The following DIPK1A variants were observed in gnomAD, a reference collection of about 807,000 sequenced individuals.
The protein encoded by DIPK1A is family with sequence similarity 69 member A.
Under a neutral mutation model 40.8 loss-of-function variants are expected in DIPK1A, and 27 were observed. That is an observed-to-expected ratio of 0.66 (90% CI 0.49 to 0.91). The LOEUF (loss-of-function observed/expected upper bound fraction) is 0.91. DIPK1A is among the 40% of genes least tolerant of loss of function. The pLI is 0.00. For missense variants in DIPK1A, 412 were observed against 505.7 expected, an observed-to-expected ratio of 0.81 and a Z score of 1.78; for synonymous variants, 166 against 171.3, an observed-to-expected ratio of 0.97 and a Z score of 0.24.
At chr1:92,919,021 G>A (rs1238390839) in intron 1 of DIPK1A, among the ~76,000 whole-genome samples, 1 of 152,142 alleles carries the variant, frequency 6.6e-6, no homozygotes, top group East Asian at 1.9e-4. Context: ...CAAGCCATGG[G>A]CTGGTACTGG....
chr1:92,932,129 A>G (rs1018790116), intron 1 of DIPK1A: 2 of 250,772 alleles, frequency 8.0e-6, no homozygotes, highest in Non-Finnish European at 8.7e-6. Context: ...GAGCTCGCAA[A>G]TATGTAAATT....
intron 1 of DIPK1A, among the ~76,000 whole-genome samples, chr1:92,953,262 GT>G (rs1571154003): frequency 7.4e-6 from 1 of 134,948 alleles, no homozygotes; most frequent in Non-Finnish European, 1.6e-5. Flanking sequence ...AAGAAAAGAA[GT>G]GCAGACGGGG....
chr1:92,946,743 G>C (rs1651380641), intron 1 of DIPK1A, among the ~76,000 whole-genome samples: 1 of 152,106 alleles, frequency 6.6e-6, no homozygotes, highest in Non-Finnish European at 1.5e-5. Context: ...AGGAGTTTGA[G>C]ATCAGCCTGG....
intron 2 of DIPK1A, among the ~76,000 whole-genome samples, chr1:92,859,982 A>ACTT (rs1688112130): frequency 6.6e-6 from 1 of 152,222 alleles, no homozygotes; most frequent in African/African-American, 2.4e-5. Flanking sequence ...GATTACAGGC[A>ACTT]TAAGCCACTG....
intron 4 of DIPK1A, chr1:92,833,951 TA>T: frequency 2.6e-6 from 1 of 387,728 alleles, no homozygotes; most frequent in Non-Finnish European, 4.8e-6. Flanking sequence ...ACAAAAAATG[TA>T]AGAAAATTAG....
intron 1 of DIPK1A, among the ~76,000 whole-genome samples, chr1:92,921,143 T>TGCTGTTACTGACA (rs1650253585): frequency 6.6e-6 from 1 of 152,180 alleles, no homozygotes; most frequent in South Asian, 2.1e-4. Flanking sequence ...TGCTACTTGC[T>TGCTGTTACTGACA]GCTGTTACTG....
chr1:92,943,510 C>G (rs1165492894), intron 1 of DIPK1A, among the ~76,000 whole-genome samples: 1 of 152,104 alleles, frequency 6.6e-6, no homozygotes, highest in African/African-American at 2.4e-5. Context: ...CTGGTTGGCA[C>G]CCCCAACCAC....
At chr1:92,886,131 G>A (rs571319371) in intron 1 of DIPK1A, among the ~76,000 whole-genome samples, 28 of 152,090 alleles carry the variant, frequency 1.8e-4, no homozygotes, top group Non-Finnish European at 2.5e-4. Flanking sequence ...CCAGGAGTTC[G>A]AGACCAGCCT....
At chr1:92,920,293 A>G (rs1024872284) in intron 1 of DIPK1A, among the ~76,000 whole-genome samples, 1 of 152,208 alleles carries the variant, frequency 6.6e-6, no homozygotes, top group African/African-American at 2.4e-5. Flanking sequence ...ATGGTAGTGA[A>G]TAAGTCTCAT....
intron 4 of DIPK1A, chr1:92,833,115 GT>G: frequency 1.4e-6 from 1 of 690,038 alleles, no homozygotes; most frequent in Non-Finnish European, 2.6e-6. Context: ...CCTGTTAAAT[GT>G]AATAAATTGG....
At chr1:92,890,357 A>G (rs1648806911) in intron 1 of DIPK1A, among the ~76,000 whole-genome samples, 1 of 152,174 alleles carries the variant, frequency 6.6e-6, no homozygotes, top group African/African-American at 2.4e-5. Flanking sequence ...ACTATGTTGA[A>G]TAAAAGTGGT....
At chr1:92,923,487 T>G (rs544200987) in intron 1 of DIPK1A, among the ~76,000 whole-genome samples, 4 of 152,350 alleles carry the variant, frequency 2.6e-5, no homozygotes, top group Admixed American at 6.5e-5. Context: ...TCTTCCTGAA[T>G]CAACTAAGGA....
intron 1 of DIPK1A, among the ~76,000 whole-genome samples, chr1:92,909,472 T>C (rs1649747631): frequency 6.6e-6 from 1 of 152,168 alleles, no homozygotes; most frequent in African/African-American, 2.4e-5. Context: ...GAGGGAGGAT[T>C]TGCAGAGGTT....
chr1:92,925,883 A>G (rs1047100648), intron 1 of DIPK1A, among the ~76,000 whole-genome samples: 1 of 152,154 alleles, frequency 6.6e-6, no homozygotes, highest in Admixed American at 6.6e-5. Context: ...CATCAAATTT[A>G]TTGGTGTAAA....
chr1:92,895,553 C>A (rs769330766), intron 1 of DIPK1A, among the ~76,000 whole-genome samples: 1 of 152,030 alleles, frequency 6.6e-6, no homozygotes, highest in Admixed American at 6.6e-5. Flanking sequence ...ATATCATACT[C>A]AATGGGCAAA....
intron 1 of DIPK1A, among the ~76,000 whole-genome samples, chr1:92,885,327 A>G (rs1648548454): frequency 6.6e-6 from 1 of 152,126 alleles, no homozygotes; most frequent in Non-Finnish European, 1.5e-5. Flanking sequence ...ACAGAACAAC[A>G]TTTCTTTAAC....
chr1:92,921,820 C>T lies in DIPK1A; in HGVS notation c.54+39556G>A, dbSNP rs550374298. 3.3e-5 allele frequency among the ~76,000 whole-genome samples: 5 copies of T among 152,300 alleles called. No homozygotes were observed. The South Asian group carries it at 1.0e-3, about 32-fold the overall frequency. ...GGGACCAGGAGTTCTATCCTCAGCC[C>T]TTGGCTCTCCACCTAAAGAACAATT... On this transcript the variant is annotated intron_variant, in intron 1 of 4. Coordinates refer to ENST00000370310, the MANE Select transcript of DIPK1A (RefSeq NM_001006605.5).
chr1:92,918,859 G>T (rs1331472805), intron 1 of DIPK1A, among the ~76,000 whole-genome samples: 1 of 152,138 alleles, frequency 6.6e-6, no homozygotes, highest in East Asian at 1.9e-4. Context: ...TCATAAGAAG[G>T]GGGCAACCTA....
chr1:92,850,867 G>C lies in DIPK1A; in HGVS notation c.278C>G (p.Ser93Cys). ...CCATACCTGATTGTTGGGCTTGGTGGATAAACATTTTCCAAAGTAAAGAGT... is the reference window on the plus strand; with the variant it reads ...CCATACCTGATTGTTGGGCTTGGTGCATAAACATTTTCCAAAGTAAAGAGT... ...TETLYFGKCL[S>C]TKPNNQMYLG... is the part of the protein sequence containing the mutation. The change falls in exon 3 of 5, where the codon TCC becomes TGC. Residue 93 changes from serine to cysteine, a missense_variant. Ser to Cys is a moderately radical substitution (Grantham distance 112). Transcript: ENST00000370310. 1.3e-6 allele frequency: 2 copies of C among 1,563,144 alleles called. No homozygotes were observed. Among genetic ancestry groups the C allele is most frequent in the Non-Finnish European group, 1.7e-6 (2 of 1,151,580 alleles).
Sources: allele counts gnomAD v4.1 joint callset (sites outside exome capture counted in the v4.1 genomes callset), GRCh38; gene constraint gnomAD v4.1.1; transcripts MANE v1.5; gene names NCBI Gene and HGNC (gene_info 2026-07-23, HGNC 2026-07-21).